HIPK3: variants seen among roughly 807,000 people sequenced by gnomAD.
HIPK3 encodes homeodomain-interacting protein kinase 3.
A neutral mutation model predicts 124.2 loss-of-function variants in HIPK3; 47 were observed. That is an observed-to-expected ratio of 0.38 (90% CI 0.30 to 0.48). HIPK3 has a LOEUF of 0.48. Among genes scored for constraint, HIPK3 ranks in the 20% least tolerant of loss-of-function variants. HIPK3 has a pLI of 0.98. For synonymous variants in HIPK3, 482 were observed against 515.2 expected, an observed-to-expected ratio of 0.94 and a Z score of 0.87; for missense variants, 1,286 against 1,454.3, an observed-to-expected ratio of 0.88 and a Z score of 1.88.
At chr11:33,288,978 G>A (rs1479600717) in intron 2 of HIPK3, among the ~76,000 whole-genome samples, 1 of 152,158 alleles carries the variant, frequency 6.6e-6, no homozygotes, top group Non-Finnish European at 1.5e-5. Flanking sequence ...TACTGCATTT[G>A]CCTTTCACTG....
chr11:33,259,616 T>C (rs186240720), intron 1 of HIPK3, among the ~76,000 whole-genome samples: 4 of 152,334 alleles, frequency 2.6e-5, no homozygotes, highest in Admixed American at 2.6e-4. Flanking sequence ...TCATAAAGTG[T>C]AGAGGACTTT....
At chr11:33,336,854 A>G (rs1401444571) in intron 3 of HIPK3, among the ~76,000 whole-genome samples, 1 of 152,186 alleles carries the variant, frequency 6.6e-6, no homozygotes, top group African/African-American at 2.4e-5. Context: ...ACCTGACCAC[A>G]ATTACTTTAG....
At chr11:33,305,628 C>T (rs2133933856) in intron 2 of HIPK3, among the ~76,000 whole-genome samples, 1 of 152,304 alleles carries the variant, frequency 6.6e-6, no homozygotes, top group East Asian at 1.9e-4. Flanking sequence ...ATGATTTGAG[C>T]TCAGTTGTGG....
intron 1 of HIPK3, among the ~76,000 whole-genome samples, chr11:33,279,220 G>A (rs143327280): frequency 0.017 from 2,438 of 144,178 alleles, 72 homozygotes; most frequent in African/African-American, 0.06. Flanking sequence ...AGGCTGAGGC[G>A]CGAGAATCAC....
chr11:33,258,773 C>T, intron 1 of HIPK3: 1 of 966,668 alleles, frequency 1.0e-6, no homozygotes, highest in Non-Finnish European at 1.2e-6. Flanking sequence ...CGTAAATTAC[C>T]TTGGACTTGT....
chr11:33,286,592 A>G lies in HIPK3; in HGVS notation c.178A>G (p.Ser60Gly), dbSNP rs147614894. ...AAATTCTCATCCTCCCACTAAGGGT[A>G]GTGCTTTTCAGACAAAGATACCATT... Reference protein sequence around the residue: ...FGNSHPPTKGSAFQTKIPFNR... With the variant: ...FGNSHPPTKGGAFQTKIPFNR... The change falls in exon 2 of 17, where the codon AGT becomes GGT. Residue 60 changes from serine (S) to glycine (G), a missense_variant. Physicochemically the swap from Ser to Gly is moderately conservative, Grantham distance 56 (BLOSUM62 0). Around this residue, in one of 3 missense-constraint regions of HIPK3, gnomAD observed 225 missense variants for 240.3 expected, o/e 0.94. Transcript: ENST00000303296. 12 of 1,614,022 alleles carry G rather than the reference A, an allele frequency of 7.4e-6. No individual in the cohort carries two copies. The highest frequency in any genetic ancestry group is 2.7e-5 in the African/African-American group (2 of 74,924).
At chr11:33,295,283 C>T (rs1190312192) in intron 2 of HIPK3, among the ~76,000 whole-genome samples, 1 of 149,102 alleles carries the variant, frequency 6.7e-6, no homozygotes, top group Admixed American at 6.7e-5. Flanking sequence ...CACCGCCCCC[C>T]CCCCACAACT....
intron 2 of HIPK3, among the ~76,000 whole-genome samples, chr11:33,315,191 CTT>C (rs1157602224): frequency 2.0e-5 from 3 of 152,148 alleles, no homozygotes; most frequent in Admixed American, 6.5e-5. Context: ...GCTTCTCTCT[CTT>C]GATATATGTT....
At chr11:33,329,589 T>G (rs945609772) in intron 3 of HIPK3, among the ~76,000 whole-genome samples, 9 of 152,214 alleles carry the variant, frequency 5.9e-5, no homozygotes, top group African/African-American at 2.2e-4. Flanking sequence ...GATTATTAGA[T>G]TAGATGTTAT....
chr11:33,342,184 C>T (rs886098087), intron 8 of HIPK3, among the ~76,000 whole-genome samples: 13 of 151,702 alleles, frequency 8.6e-5, no homozygotes, highest in African/African-American at 3.1e-4. Flanking sequence ...ACTGGAACTC[C>T]GTTACAGTCA....
chr11:33,297,615 G>T (rs1439126623), intron 2 of HIPK3, among the ~76,000 whole-genome samples: 1 of 152,064 alleles, frequency 6.6e-6, no homozygotes, highest in Non-Finnish European at 1.5e-5. Flanking sequence ...AAGCAGCAAG[G>T]GCTGATGCAG....
In HIPK3 at chr11:33,287,310, T is replaced by TTA; in HGVS notation, c.897_898insAT (p.Arg300IlefsTer12). ...TTTAGTCCCCTGCCACTAAAAGTGA[T>TTA]TCGGCCCATTCTTCAACAAGTGGCC... On this transcript the variant is annotated frameshift_variant, in exon 2 of 17. Transcript: ENST00000303296. LOFTEE classifies it high-confidence loss of function. The TTA allele has an allele frequency of 6.2e-7, 1 of 1,614,176 alleles. No individual in the cohort carries two copies. Among genetic ancestry groups the TTA allele is most frequent in the Non-Finnish European group, 8.5e-7 (1 of 1,180,004 alleles).
intron 2 of HIPK3, among the ~76,000 whole-genome samples, chr11:33,293,851 G>A (rs1241932244): frequency 6.6e-6 from 1 of 152,040 alleles, no homozygotes; most frequent in African/African-American, 2.4e-5. Flanking sequence ...GCAATCTAAT[G>A]GGTAGACAAA....
chr11:33,299,571 T>C (rs1330306595), intron 2 of HIPK3, among the ~76,000 whole-genome samples: 2 of 152,208 alleles, frequency 1.3e-5, no homozygotes, highest in African/African-American at 4.8e-5. Context: ...TAGACTATTA[T>C]ATCAACTTAG....
At chr11:33,337,801 G>A (rs1419055573) in intron 4 of HIPK3, among the ~76,000 whole-genome samples, 1 of 151,594 alleles carries the variant, frequency 6.6e-6, no homozygotes, top group Non-Finnish European at 1.5e-5. Flanking sequence ...AGCCTCCCAA[G>A]TAGCTGGGAT....
chr11:33,283,882 C>T (rs1851478430), intron 1 of HIPK3, among the ~76,000 whole-genome samples: 1 of 151,996 alleles, frequency 6.6e-6, no homozygotes, highest in Admixed American at 6.5e-5. Flanking sequence ...ACCATGTTGG[C>T]CAGGCTGGTC....
chr11:33,339,869 C>T (rs1031949695), intron 6 of HIPK3, among the ~76,000 whole-genome samples: 1 of 152,124 alleles, frequency 6.6e-6, no homozygotes, highest in African/African-American at 2.4e-5. Flanking sequence ...TTCAGTTTTC[C>T]TACACTGTAG....
At chr11:33,278,431 A>G (rs1331129335) in intron 1 of HIPK3, among the ~76,000 whole-genome samples, 1 of 152,136 alleles carries the variant, frequency 6.6e-6, no homozygotes. Flanking sequence ...TTTGATTGAG[A>G]TAAGGGAGGA....
rs767542517 is a variant in HIPK3, at chr11:33,337,113, A to G, written c.1260A>G (p.Glu420=). Residue 420 remains glutamate (E), a synonymous_variant, in exon 4 of 17, where the codon GAA becomes GAG. Transcript: ENST00000303296. ...YISQTQGLPG[E]QLLNVGTKST... is the part of the protein sequence containing the mutation. ...CTCAGACTCAAGGTTTGCCAGGAGA[A>G]CAGTTGTTAAATGTGGGTACTAAAT... is the stretch of plus-strand genomic sequence containing the variant. 8.7e-6 allele frequency: 14 copies of G among 1,602,312 alleles called. No homozygotes were observed. Among genetic ancestry groups the G allele is most frequent in the Non-Finnish European group, 1.1e-5 (13 of 1,170,680 alleles).
Sources: gnomAD v4.1 joint callset for allele counts (sites outside exome capture counted in the v4.1 genomes callset) on GRCh38, gnomAD v4.1.1 for gene constraint, gnomAD v4.1.1 regional missense constraint, MANE v1.5 for transcripts, NCBI Gene and HGNC (gene_info 2026-07-23, HGNC 2026-07-21) for gene names.